The following ARHGAP26 variants were observed in gnomAD, a reference collection of about 807,000 sequenced individuals.
ARHGAP26 encodes rho GTPase-activating protein 26.
Under a neutral mutation model 104.8 loss-of-function variants are expected in ARHGAP26, and 38 were observed. The observed-to-expected ratio is 0.36, with a 90% CI of 0.28 to 0.48. The LOEUF is 0.48. ARHGAP26 is among the 20% of genes least tolerant of loss of function. The probability of loss-of-function intolerance (pLI) is 0.99; values close to 1 mark genes in which losing one functional copy is unlikely to be tolerated. For synonymous variants in ARHGAP26, 341 were observed against 340.0 expected (o/e 1.00, Z -0.03); for missense variants, 704 against 947.9 (o/e 0.74, Z 3.38).
At chr5:142,925,951 TA>T (rs1442834599) in intron 10 of ARHGAP26, among the ~76,000 whole-genome samples, 1 of 152,204 alleles carries the variant, frequency 6.6e-6, no homozygotes, top group Non-Finnish European at 1.5e-5. Flanking sequence ...GTGGAGTTAG[TA>T]ATAGCTTTTC....
chr5:142,914,284 G>A (rs1299064733), intron 10 of ARHGAP26, among the ~76,000 whole-genome samples: 1 of 152,208 alleles, frequency 6.6e-6, no homozygotes. Context: ...GAGACAGCGT[G>A]CCCCCTTAGC....
intron 20 of ARHGAP26, among the ~76,000 whole-genome samples, chr5:143,196,069 G>A (rs2151286494): frequency 6.6e-6 from 1 of 152,058 alleles, no homozygotes; most frequent in Admixed American, 6.5e-5. Flanking sequence ...TTTAAGATAG[G>A]CTTGAACGTG....
At chr5:142,835,900 C>T (rs1277289351) in intron 1 of ARHGAP26, among the ~76,000 whole-genome samples, 8 of 152,184 alleles carry the variant, frequency 5.3e-5, no homozygotes, top group Non-Finnish European at 1.0e-4. Flanking sequence ...CATCACAAAA[C>T]CCTCTAAGAT....
At chr5:143,056,889 A>G (rs1033285498) in intron 16 of ARHGAP26, among the ~76,000 whole-genome samples, 2 of 152,190 alleles carry the variant, frequency 1.3e-5, no homozygotes, top group Admixed American at 1.3e-4. Context: ...TCCCCTTAAA[A>G]CAGGAAGGAG....
chr5:142,967,975 G>A (rs1435268341), intron 11 of ARHGAP26, among the ~76,000 whole-genome samples: 1 of 152,132 alleles, frequency 6.6e-6, no homozygotes, highest in Non-Finnish European at 1.5e-5. Flanking sequence ...GAAAACCCTT[G>A]GATCAGGCTT....
intron 5 of ARHGAP26, among the ~76,000 whole-genome samples, chr5:142,890,151 A>AAAATATATATAT (rs1252590997): frequency 9.3e-5 from 3 of 32,426 alleles, no homozygotes; most frequent in Non-Finnish European, 1.6e-4. Flanking sequence ...AAAAAAAAAA[A>AAAATATATATAT]ATATATATAT....
intron 1 of ARHGAP26, among the ~76,000 whole-genome samples, chr5:142,788,451 A>G (rs1759107224): frequency 1.3e-5 from 2 of 152,206 alleles, no homozygotes; most frequent in African/African-American, 4.8e-5. Flanking sequence ...CATATGTTGA[A>G]AGCATGATTT....
intron 11 of ARHGAP26, among the ~76,000 whole-genome samples, chr5:142,991,088 C>T (rs1775542713): frequency 6.6e-6 from 1 of 152,192 alleles, no homozygotes; most frequent in Non-Finnish European, 1.5e-5. Flanking sequence ...AGGCAGGCAT[C>T]CTTGTGCTGC....
At chr5:143,218,956 C>T (rs1013339794) in intron 22 of ARHGAP26, among the ~76,000 whole-genome samples, 2 of 152,220 alleles carry the variant, frequency 1.3e-5, no homozygotes, top group Non-Finnish European at 2.9e-5. Context: ...CACAGTTTTT[C>T]ATCAGTAAAG....
intron 14 of ARHGAP26, among the ~76,000 whole-genome samples, chr5:143,044,785 G>A (rs1783992514): frequency 6.6e-6 from 1 of 152,206 alleles, no homozygotes; most frequent in Non-Finnish European, 1.5e-5. Context: ...GCATGTGTTT[G>A]ATTATGGAAA....
At position 142,808,051 on chromosome 5, in the gene ARHGAP26, C is replaced by T. The variant is rs150528189; in HGVS notation, c.154+37136C>T. On this transcript the variant is annotated intron_variant, in intron 1 of 22. Coordinates refer to ENST00000645722, the MANE Select transcript of ARHGAP26 (RefSeq NM_001135608.3). ...GAGATCGAAACCATCCTGGCTAATA[C>T]GGTGAAACCCCGTTTCTACTAAAAA... Among the ~76,000 whole-genome samples, 873 of 151,580 alleles carry T rather than the reference C, an allele frequency of 5.8e-3. 18 individuals carry two copies. In the East Asian group the frequency reaches 0.062, roughly 11 times the overall value.
At chr5:143,070,449 C>T (rs1359580589) in intron 17 of ARHGAP26, among the ~76,000 whole-genome samples, 4 of 152,118 alleles carry the variant, frequency 2.6e-5, no homozygotes, top group Admixed American at 6.5e-5. Context: ...TTAACTAAGA[C>T]GATTGAAAAC....
chr5:143,119,394 C>G (rs1215914897), intron 17 of ARHGAP26, among the ~76,000 whole-genome samples: 1 of 152,164 alleles, frequency 6.6e-6, no homozygotes, highest in South Asian at 2.1e-4. Context: ...CCTTGCCACA[C>G]AGAGGAGCTG....
At chr5:143,180,576 T>C (rs1804189498) in intron 20 of ARHGAP26, among the ~76,000 whole-genome samples, 1 of 152,182 alleles carries the variant, frequency 6.6e-6, no homozygotes, top group Non-Finnish European at 1.5e-5. Context: ...TCCGCATGGC[T>C]GGGGAGGCCT....
At chr5:143,121,408 A>G (rs1361367240) in intron 18 of ARHGAP26, among the ~76,000 whole-genome samples, 3 of 152,358 alleles carry the variant, frequency 2.0e-5, no homozygotes, top group Admixed American at 2.0e-4. Flanking sequence ...ATTATGTGCC[A>G]GGAACTGTGT....
chr5:142,967,817 A>G (rs1246433492), intron 11 of ARHGAP26, among the ~76,000 whole-genome samples: 2 of 152,094 alleles, frequency 1.3e-5, no homozygotes, highest in East Asian at 1.9e-4. Flanking sequence ...TGAAAATAGG[A>G]AAGGGTGGTG....
At chr5:142,812,366 CT>C (rs938925012) in intron 1 of ARHGAP26, among the ~76,000 whole-genome samples, 234 of 145,920 alleles carry the variant, frequency 1.6e-3, no homozygotes, top group Admixed American at 2.2e-3. Flanking sequence ...CAATCTTCCT[CT>C]TTTTTTTTTT....
intron 1 of ARHGAP26, among the ~76,000 whole-genome samples, chr5:142,802,464 A>G (rs1762255827): frequency 6.6e-6 from 1 of 152,196 alleles, no homozygotes; most frequent in South Asian, 2.1e-4. Flanking sequence ...AGTAAAATGG[A>G]TTCTTGAATA....
intron 1 of ARHGAP26, among the ~76,000 whole-genome samples, chr5:142,860,979 G>A (rs1434657658): frequency 6.6e-6 from 1 of 152,136 alleles, no homozygotes; most frequent in African/African-American, 2.4e-5. Flanking sequence ...TCCCTGGAAG[G>A]GCTCTTGCAA....
Sources: allele counts gnomAD v4.1 joint callset (sites outside exome capture counted in the v4.1 genomes callset), GRCh38; gene constraint gnomAD v4.1.1; transcripts MANE v1.5; gene names NCBI Gene and HGNC (gene_info 2026-07-23, HGNC 2026-07-21).